Variants in C10orf67 observed in about 807,000 individuals in gnomAD.
C10orf67 encodes the protein uncharacterized protein C10orf67, mitochondrial.
A neutral mutation model predicts 35.6 loss-of-function variants in C10orf67; 60 were observed. That is an observed-to-expected ratio of 1.68 (90% CI 1.37 to 2.09). The LOEUF is 2.09. Among genes scored for constraint, C10orf67 ranks in the 30% most tolerant of loss-of-function variants. The probability of loss-of-function intolerance (pLI) is 0.00; values close to 1 mark genes in which losing one functional copy is unlikely to be tolerated. For missense variants in C10orf67, 474 were observed against 330.2 expected (o/e 1.44, Z -3.38); for synonymous variants, 167 against 115.8 (o/e 1.44, Z -2.84).
chr10:23,205,755 T>C (rs934012199), intron 15 of C10orf67, among the ~76,000 whole-genome samples: 5 of 152,244 alleles, frequency 3.3e-5, no homozygotes, highest in African/African-American at 4.8e-5. Context: ...ATTATGTTTA[T>C]ATGAATAACT....
intron 2 of C10orf67, among the ~76,000 whole-genome samples, chr10:23,329,812 A>AAAAAAAAAAAAG (rs905791499): frequency 2.0e-5 from 3 of 148,506 alleles, no homozygotes; most frequent in African/African-American, 7.6e-5. Context: ...AAAAAAAAAA[A>AAAAAAAAAAAAG]AAAAGAAAAG....
chr10:23,271,615 C>T (rs1843026579), intron 8 of C10orf67, among the ~76,000 whole-genome samples: 1 of 152,190 alleles, frequency 6.6e-6, no homozygotes, highest in African/African-American at 2.4e-5. Context: ...TTTAGCCATG[C>T]TAGTGAGTAT....
intron 4 of C10orf67, among the ~76,000 whole-genome samples, chr10:23,305,690 C>T (rs558889850): frequency 3.9e-5 from 6 of 152,018 alleles, no homozygotes; most frequent in South Asian, 2.1e-4. Flanking sequence ...GTATTGGCAA[C>T]GGTATGGAGA....
chr10:23,328,709 C>T (rs543805475), intron 2 of C10orf67, among the ~76,000 whole-genome samples: 13 of 148,204 alleles, frequency 8.8e-5, no homozygotes, highest in African/African-American at 3.2e-4. Flanking sequence ...AAAAGCCAGG[C>T]ACAGTGGCTC....
At position 23,344,149 on chromosome 10, in the gene C10orf67, G is replaced by A. The variant is rs562633792; in HGVS notation, c.206+420C>T. On this transcript the variant is annotated intron_variant, in intron 1 of 15. Coordinates refer to ENST00000636213, the MANE Select transcript of C10orf67 (RefSeq NM_001371909.1). ...GGCCGGGGAGGGCCGCGAGTGGAGGGGGGTGGGGAACGGGGTGGGGAGGGG... is the reference window on the plus strand; with the variant it reads ...GGCCGGGGAGGGCCGCGAGTGGAGGAGGGTGGGGAACGGGGTGGGGAGGGG... The A allele has an allele frequency of 7.8e-5, 12 of 154,564 alleles. No homozygotes were observed. The South Asian group carries it at 1.1e-3, about 14-fold the overall frequency. 9.6% of individuals were successfully genotyped at this position (154,564 alleles called of 1,614,324 possible). A position where few individuals can be genotyped will look rare whatever the true frequency, so the allele number is the denominator to read the frequency against.
intron 15 of C10orf67, among the ~76,000 whole-genome samples, chr10:23,220,247 G>A (rs1265468210): frequency 6.6e-6 from 1 of 152,096 alleles, no homozygotes; most frequent in African/African-American, 2.4e-5. Flanking sequence ...GCTTTCACGG[G>A]GAGATTAAAA....
rs145732690 is a variant in C10orf67, at chr10:23,319,631, A to G, written c.546+1110T>C. ...TAATTTACATTCCCATCAGCAGTGT[A>G]TAAGCAAGTGTTCCCTTTTCTCTGC... On this transcript the variant is annotated intron_variant, in intron 4 of 15. Coordinates refer to ENST00000636213, the MANE Select transcript of C10orf67 (RefSeq NM_001371909.1). Among the ~76,000 whole-genome samples the G allele has an allele frequency of 5.7e-3, 869 of 152,364 alleles. 1 individual carries two copies. Among genetic ancestry groups the G allele is most frequent in the African/African-American group, 0.02 (821 of 41,592 alleles).
At chr10:23,251,188 C>T (rs148988681) in intron 10 of C10orf67, among the ~76,000 whole-genome samples, 1 of 152,258 alleles carries the variant, frequency 6.6e-6, no homozygotes, top group African/African-American at 2.4e-5. Context: ...CCTCTATTTC[C>T]CGTAAATGGT....
At chr10:23,286,123 G>C (rs187132362) in intron 7 of C10orf67, among the ~76,000 whole-genome samples, 107 of 152,000 alleles carry the variant, frequency 7.0e-4, no homozygotes, top group African/African-American at 2.2e-3. Context: ...CCAGTGCAGT[G>C]ACTCACACCT....
At chr10:23,329,415 C>T (rs949546001) in intron 2 of C10orf67, among the ~76,000 whole-genome samples, 2 of 151,920 alleles carry the variant, frequency 1.3e-5, no homozygotes, top group Non-Finnish European at 2.9e-5. Flanking sequence ...AACAAAATAA[C>T]AATAGCAATA....
rs1842905163 is a variant in C10orf67, at chr10:23,267,223, C to T, written c.1007G>A (p.Arg336Lys). 1.4e-6 allele frequency: 1 copy of T among 715,888 alleles called. No individual in the cohort carries two copies. The highest frequency in any genetic ancestry group is 2.0e-5 in the Admixed American group (1 of 49,784). 44.3% of individuals were successfully genotyped at this position (715,888 alleles called of 1,614,324 possible). The change falls in exon 9 of 16, where the codon AGA becomes AAA. Residue 336 changes from arginine (R) to lysine (K), a missense_variant. Coordinates refer to ENST00000636213, the MANE Select transcript of C10orf67 (RefSeq NM_001371909.1). Reference protein sequence around the residue: ...INKQKEDKEMRKKYGSLSVKV... With the variant: ...INKQKEDKEMKKKYGSLSVKV... The stretch of plus-strand genomic sequence containing the variant: ...TACACTTAAGCTGCCATACTTTTTT[C>T]TCATTTCCTTGTCCTCTTTCTGTTT...
intron 5 of C10orf67, among the ~76,000 whole-genome samples, chr10:23,300,799 G>A (rs1844048223): frequency 6.6e-6 from 1 of 152,164 alleles, no homozygotes; most frequent in African/African-American, 2.4e-5. Flanking sequence ...GGAATTGCCT[G>A]CTGGCCTGTG....
intron 5 of C10orf67, among the ~76,000 whole-genome samples, chr10:23,299,467 T>G (rs1465974768): frequency 6.6e-6 from 1 of 152,140 alleles, no homozygotes; most frequent in Non-Finnish European, 1.5e-5. Context: ...GGGTGTTCCT[T>G]CTCCTATGTT....
At chr10:23,288,787 C>T (rs1291619587) in intron 7 of C10orf67, among the ~76,000 whole-genome samples, 4 of 151,990 alleles carry the variant, frequency 2.6e-5, no homozygotes, top group Non-Finnish European at 2.9e-5. Context: ...AATGGATACT[C>T]GGTTCAGTTA....
intron 13 of C10orf67, among the ~76,000 whole-genome samples, chr10:23,231,840 A>G (rs1841921098): frequency 1.3e-5 from 2 of 152,226 alleles, no homozygotes; most frequent in Admixed American, 1.3e-4. Flanking sequence ...AACCACTAGC[A>G]TCAGCATGAA....
At chr10:23,282,374 T>G (rs11013365) in intron 7 of C10orf67, among the ~76,000 whole-genome samples, 5,066 of 152,296 alleles carry the variant, frequency 0.033, 250 homozygotes, top group African/African-American at 0.11. Context: ...CAATTTTACT[T>G]AAGGCTTTAT....
chr10:23,338,214 C>A (rs1169750886), intron 1 of C10orf67, among the ~76,000 whole-genome samples: 1 of 152,160 alleles, frequency 6.6e-6, no homozygotes, highest in Non-Finnish European at 1.5e-5. Context: ...CTGTGGATAT[C>A]GTTCAGTTTC....
chr10:23,239,945 A>G, intron 12 of C10orf67, 129 bp from the exon 13 acceptor site: 2 of 451,860 alleles, frequency 4.4e-6, no homozygotes, highest in Non-Finnish European at 8.1e-6. Flanking sequence ...ATATAAAAAT[A>G]TTAGCATGAA....
intron 2 of C10orf67, among the ~76,000 whole-genome samples, chr10:23,326,465 C>A (rs573025481): frequency 1.3e-5 from 2 of 152,222 alleles, no homozygotes; most frequent in East Asian, 3.9e-4. Context: ...AACAGAAATT[C>A]TTTGCCTACA....
Sources: allele counts gnomAD v4.1 joint callset (sites outside exome capture counted in the v4.1 genomes callset), GRCh38; gene constraint gnomAD v4.1.1; transcripts MANE v1.5; gene names NCBI Gene and HGNC (gene_info 2026-07-23, HGNC 2026-07-21).